Variants in CACUL1 observed in about 807,000 individuals in gnomAD.
CACUL1 encodes the protein CDK2 associated cullin domain 1.
In CACUL1, 13 loss-of-function variants were observed where a neutral mutation model predicts 45.2. The observed-to-expected ratio is 0.29, with a 90% CI of 0.19 to 0.46. The LOEUF (loss-of-function observed/expected upper bound fraction) is 0.46, where lower values mean the gene tolerates loss of function less well. CACUL1 is among the 20% of genes least tolerant of loss of function. The probability of loss-of-function intolerance (pLI) is 1.00; values close to 1 mark genes in which losing one functional copy is unlikely to be tolerated. For missense variants in CACUL1, 421 were observed against 471.4 expected, an observed-to-expected ratio of 0.89 and a Z score of 0.99; for synonymous variants, 197 against 174.2, an observed-to-expected ratio of 1.13 and a Z score of -1.03.
rs1845379177 is a variant in CACUL1, at chr10:118,701,418, AAAAT to A, written c.694-14_694-11del. 6.8e-7 allele frequency: 1 copy of A among 1,460,528 alleles called. No homozygotes were observed. Among genetic ancestry groups the A allele is most frequent in the African/African-American group, 1.4e-5 (1 of 71,502 alleles). The allele number at this position is 1,460,528 out of a possible 1,614,324, so 90.5% of individuals were successfully genotyped here. On this transcript the variant is annotated splice_polypyrimidine_tract_variant and intron_variant, in intron 4 of 8. Coordinates refer to ENST00000369151, the MANE Select transcript of CACUL1 (RefSeq NM_153810.5). ...CGATGTAAAACTTATTCTGAAAAAT[AAAAT>A]AAAATCTTTTTTTGTGTATTAATTG...
intron 1 of CACUL1, among the ~76,000 whole-genome samples, chr10:118,751,596 C>T (rs1331584391): frequency 1.3e-5 from 2 of 152,196 alleles, no homozygotes; most frequent in Non-Finnish European, 2.9e-5. Flanking sequence ...ACCACTTTAA[C>T]TACAGCCTTG....
intron 1 of CACUL1, among the ~76,000 whole-genome samples, chr10:118,735,263 A>G (rs1381528883): frequency 6.6e-6 from 1 of 152,276 alleles, no homozygotes; most frequent in Non-Finnish European, 1.5e-5. Context: ...GCCCTACTAT[A>G]TAATCCTTTT....
At chr10:118,700,192 A>G (rs1845365021) in intron 5 of CACUL1, among the ~76,000 whole-genome samples, 1 of 152,190 alleles carries the variant, frequency 6.6e-6, no homozygotes, top group Non-Finnish European at 1.5e-5. Flanking sequence ...CATTGTGGTG[A>G]ACGCTAATTA....
At chr10:118,686,683 C>T in intron 7 of CACUL1, 42 bp from the exon 8 acceptor site, 3 of 1,410,682 alleles carry the variant, frequency 2.1e-6, no homozygotes, top group Non-Finnish European at 3.0e-6. Flanking sequence ...GACTTCACAT[C>T]AAAACAGGAG....
chr10:118,715,010 A>G (rs1277873816), intron 3 of CACUL1, among the ~76,000 whole-genome samples: 1 of 152,228 alleles, frequency 6.6e-6, no homozygotes, highest in East Asian at 1.9e-4. Context: ...CAGAGGTCAT[A>G]TTGATAGCTT....
rs1845144759 is a variant in CACUL1 at position 118,680,702 on chromosome 10, A to G, written c.*5426T>C. 6.6e-6 allele frequency: 1 copy of G among 152,214 alleles called. No individual in the cohort carries two copies. The highest frequency in any genetic ancestry group is 1.5e-5 in the Non-Finnish European group (1 of 68,036). The allele number at this position is 152,214 out of a possible 1,614,324, so 9.4% of individuals were successfully genotyped here. On this transcript the variant is annotated 3_prime_UTR_variant, in exon 9 of 9. Coordinates refer to ENST00000369151, the MANE Select transcript of CACUL1 (RefSeq NM_153810.5). ...AAAAACAAAAACTACAAATATACTG[A>G]TATCCGTATCCATACTATATATGAA...
At chr10:118,724,207 A>G (rs1845629241) in intron 3 of CACUL1, among the ~76,000 whole-genome samples, 2 of 152,158 alleles carry the variant, frequency 1.3e-5, no homozygotes, top group South Asian at 4.1e-4. Context: ...CCCAACCCCC[A>G]CAAGTGTTGT....
At chr10:118,720,025 C>T (rs1227554033) in intron 3 of CACUL1, among the ~76,000 whole-genome samples, 1 of 152,098 alleles carries the variant, frequency 6.6e-6, no homozygotes, top group Non-Finnish European at 1.5e-5. Context: ...TTGAAAACTA[C>T]AATAAAGTCA....
Position 118,681,949 on chromosome 10 carries a change from G to GAAAC in CACUL1, c.*4175_*4178dup, listed in dbSNP as rs1396883901. 6.6e-6 allele frequency: 1 copy of GAAAC among 152,160 alleles called. No homozygotes were observed. Among genetic ancestry groups the GAAAC allele is most frequent in the Non-Finnish European group, 1.5e-5 (1 of 68,032 alleles). The allele number at this position is 152,160 out of a possible 1,614,324, so 9.4% of individuals were successfully genotyped here. A position where few individuals can be genotyped will look rare whatever the true frequency, so the allele number is the denominator to read the frequency against. On this transcript the variant is annotated 3_prime_UTR_variant, in exon 9 of 9. Transcript: ENST00000369151. ...GGTGAACTTCAGTGGGGTAATGAAA[G>GAAAC]AAACAGGAGAGCCATTTCTCCAGGA... is the stretch of plus-strand genomic sequence containing the variant.
At chr10:118,745,990 A>C (rs1258453358) in intron 1 of CACUL1, among the ~76,000 whole-genome samples, 2 of 147,238 alleles carry the variant, frequency 1.4e-5, no homozygotes, top group African/African-American at 5.0e-5. Context: ...AAAAAATACA[A>C]AAAAAAAAAA....
At chr10:118,732,363 G>A (rs1400854238) in intron 1 of CACUL1, among the ~76,000 whole-genome samples, 6 of 152,180 alleles carry the variant, frequency 3.9e-5, no homozygotes, top group Non-Finnish European at 7.4e-5. Context: ...TGGGGTTGTC[G>A]TTTACTAAAA....
intron 5 of CACUL1, among the ~76,000 whole-genome samples, chr10:118,695,648 G>C (rs1845315242): frequency 6.6e-6 from 1 of 152,180 alleles, no homozygotes; most frequent in African/African-American, 2.4e-5. Context: ...ATCAGAGACA[G>C]AAATTCATTT....
Position 118,683,733 on chromosome 10 carries a change from G to A in CACUL1, c.*2395C>T, listed in dbSNP as rs1479490043. ...AAGAAAACAGAAGAAAACAGTTTCT[G>A]GCAAACAGTCAATATAAAATGAGAG... On this transcript the variant is annotated 3_prime_UTR_variant, in exon 9 of 9. Transcript: ENST00000369151. 1 of 151,986 alleles carries A rather than the reference G, an allele frequency of 6.6e-6. No homozygotes were observed. Among genetic ancestry groups the A allele is most frequent in the Non-Finnish European group, 1.5e-5 (1 of 67,974 alleles). The allele number at this position is 151,986 out of a possible 1,614,324, so 9.4% of individuals were successfully genotyped here.
At chr10:118,751,347 T>C (rs1845896484) in intron 1 of CACUL1, among the ~76,000 whole-genome samples, 2 of 151,994 alleles carry the variant, frequency 1.3e-5, no homozygotes, top group Non-Finnish European at 1.5e-5. Context: ...TTTTCAATAA[T>C]GTTAACTTTG....
intron 3 of CACUL1, among the ~76,000 whole-genome samples, chr10:118,720,273 T>G (rs1007539896): frequency 1.3e-5 from 2 of 152,152 alleles, no homozygotes; most frequent in African/African-American, 4.8e-5. Flanking sequence ...ACTGGCTAGG[T>G]GCTATAAAAG....
chr10:118,753,938 C>A (rs1208271530), intron 1 of CACUL1, among the ~76,000 whole-genome samples: 3 of 152,148 alleles, frequency 2.0e-5, no homozygotes, highest in African/African-American at 7.2e-5. Flanking sequence ...ACAGCCTGGC[C>A]AAAAACACAA....
Position 118,753,756 on chromosome 10 carries a change from T to C in CACUL1, c.367+640A>G, listed in dbSNP as rs1010822942. 2.6e-5 allele frequency among the ~76,000 whole-genome samples: 4 copies of C among 152,134 alleles called. No homozygotes were observed. The South Asian group carries it at 8.3e-4, about 31-fold the overall frequency. On this transcript the variant is annotated intron_variant, in intron 1 of 8. Transcript: ENST00000369151. ...ATCCTGAAAGGCTTATTCTTATGAG[T>C]GTAAGCTCTGAAAAGTGATTTTATG...
intron 3 of CACUL1, 49 bp downstream of exon 3, chr10:118,729,246 C>G: frequency 8.0e-7 from 1 of 1,254,400 alleles, no homozygotes; most frequent in Middle Eastern, 1.9e-4. Context: ...TAACTGCAAC[C>G]AGTCAGGAAA....
intron 3 of CACUL1, among the ~76,000 whole-genome samples, chr10:118,710,786 G>T (rs1845476830): frequency 6.6e-6 from 1 of 152,160 alleles, no homozygotes; most frequent in African/African-American, 2.4e-5. Context: ...TGCAAGGAAA[G>T]GGTCTTGTTC....
Sources: gnomAD v4.1 joint callset for allele counts (sites outside exome capture counted in the v4.1 genomes callset) on GRCh38, gnomAD v4.1.1 for gene constraint, MANE v1.5 for transcripts, NCBI Gene and HGNC (gene_info 2026-07-23, HGNC 2026-07-21) for gene names.